The following ZBTB5 variants were observed in gnomAD, a reference collection of about 807,000 sequenced individuals.
ZBTB5 encodes zinc finger and BTB domain-containing protein 5.
In ZBTB5, 15 loss-of-function variants were observed where a neutral mutation model predicts 37.9. That is an observed-to-expected ratio of 0.40 (90% confidence interval 0.26 to 0.61). ZBTB5 has a LOEUF of 0.61. Ranked by LOEUF, ZBTB5 falls within the 20% of genes least tolerant of loss-of-function variation. The pLI, the probability that ZBTB5 is intolerant of heterozygous loss-of-function variation, is 0.47. For missense variants in ZBTB5, 708 were observed against 856.8 expected (o/e 0.83, Z 2.17); for synonymous variants, 315 against 312.4 (o/e 1.01, Z -0.09).
At chr9:37,454,471 CTG>C (rs766982040) in intron 1 of ZBTB5, among the ~76,000 whole-genome samples, 2 of 152,184 alleles carry the variant, frequency 1.3e-5, no homozygotes, top group African/African-American at 2.4e-5. Flanking sequence ...TGATGTATAA[CTG>C]TGTCTAACCC....
At position 37,442,023 on chromosome 9, in the gene ZBTB5, T is replaced by C; in HGVS notation, c.529A>G (p.Ser177Gly). The change falls in exon 2 of 2, where the codon AGT (serine) becomes GGT (glycine). Residue 177 changes from serine (S) to glycine (G), a missense_variant. Ser to Gly is a moderately conservative substitution (Grantham distance 56). This residue lies in a region of ZBTB5 where 639 missense variants were observed against 690.5 expected (regional missense o/e 0.93). Transcript: ENST00000307750. ...AAGGGCGTGCGCTGATCCAGGTTAC[T>C]GCGCATGGAAGAGCTCATGGGGGCT... ...QPAPMSSSMR[S>G]NLDQRTPFPM... 1 of 1,613,896 alleles carries C rather than the reference T, an allele frequency of 6.2e-7. No individual in the cohort carries two copies. Among genetic ancestry groups the C allele is most frequent in the Non-Finnish European group, 8.5e-7 (1 of 1,180,038 alleles).
chr9:37,464,751 C>T (rs545346309), intron 1 of ZBTB5, among the ~76,000 whole-genome samples: 1 of 152,354 alleles, frequency 6.6e-6, no homozygotes, highest in African/African-American at 2.4e-5. Flanking sequence ...GGCTCCACCC[C>T]TCCAGGGTCG....
chr9:37,454,819 C>T (rs1226636023), intron 1 of ZBTB5, among the ~76,000 whole-genome samples: 1 of 152,172 alleles, frequency 6.6e-6, no homozygotes, highest in African/African-American at 2.4e-5. Flanking sequence ...TAATTTGCTG[C>T]TTGCCTGCCA....
rs1823879768 is a variant in ZBTB5 at position 37,441,689 on chromosome 9, A to G, written c.863T>C (p.Met288Thr). 4.3e-6 allele frequency: 7 copies of G among 1,613,846 alleles called. No homozygotes were observed. Among genetic ancestry groups the G allele is most frequent in the Non-Finnish European group, 4.2e-6 (5 of 1,179,994 alleles). Residue 288 changes from methionine (M) to threonine (T), a missense_variant, in exon 2 of 2, where the codon ATG (methionine) becomes ACG (threonine). Transcript: ENST00000307750. Reference sequence around the variant, plus strand: ...CTCAACCTGAGTTGCACGAGAGGCCATGGACAACTGTGCCATGTTGCCAGC... The same window carrying G: ...CTCAACCTGAGTTGCACGAGAGGCCGTGGACAACTGTGCCATGTTGCCAGC... ...NSAGNMAQLS[M>T]ASRATQVETS...
At chr9:37,443,470 C>A (rs1280766926) in intron 1 of ZBTB5, among the ~76,000 whole-genome samples, 1 of 151,982 alleles carries the variant, frequency 6.6e-6, no homozygotes, top group African/African-American at 2.4e-5. Context: ...CTCAGCACAC[C>A]CCAAAAGCGA....
intron 1 of ZBTB5, among the ~76,000 whole-genome samples, chr9:37,456,448 G>T (rs1412449843): frequency 1.3e-5 from 2 of 152,360 alleles, no homozygotes; most frequent in East Asian, 1.9e-4. Context: ...GTTCTGCTCT[G>T]TCAGGGTTGG....
At chr9:37,451,894 A>C (rs1431218557) in intron 1 of ZBTB5, among the ~76,000 whole-genome samples, 1 of 152,132 alleles carries the variant, frequency 6.6e-6, no homozygotes, top group Non-Finnish European at 1.5e-5. Flanking sequence ...CAGTTGTCAG[A>C]AATGCAAAAG....
At chr9:37,461,732 CAAA>C (rs112634134) in intron 1 of ZBTB5, among the ~76,000 whole-genome samples, 1 of 144,778 alleles carries the variant, frequency 6.9e-6, no homozygotes. Context: ...GACCCTGTCT[CAAA>C]AAAAAAAGTA....
At chr9:37,455,195 A>AT (rs1447080147) in intron 1 of ZBTB5, among the ~76,000 whole-genome samples, 1 of 152,172 alleles carries the variant, frequency 6.6e-6, no homozygotes, top group African/African-American at 2.4e-5. Flanking sequence ...GCAGAGGAGC[A>AT]TAAGAGCAGC....
chr9:37,454,363 T>C (rs1054637259), intron 1 of ZBTB5, among the ~76,000 whole-genome samples: 5 of 152,170 alleles, frequency 3.3e-5, no homozygotes, highest in African/African-American at 1.2e-4. Flanking sequence ...GTCTGAAGCC[T>C]TCTAACCAAG....
At chr9:37,449,332 C>T (rs1198803983) in intron 1 of ZBTB5, among the ~76,000 whole-genome samples, 2 of 152,162 alleles carry the variant, frequency 1.3e-5, no homozygotes, top group Non-Finnish European at 2.9e-5. Flanking sequence ...ATATTTGCTT[C>T]TGCATTCAGG....
At chr9:37,456,753 C>G (rs1353941952) in intron 1 of ZBTB5, among the ~76,000 whole-genome samples, 4 of 152,240 alleles carry the variant, frequency 2.6e-5, no homozygotes, top group Admixed American at 2.6e-4. Context: ...TATTTTCTCT[C>G]TCTCAAAGTG....
chr9:37,455,001 A>G (rs1049438140), intron 1 of ZBTB5, among the ~76,000 whole-genome samples: 2 of 152,206 alleles, frequency 1.3e-5, no homozygotes, highest in Admixed American at 1.3e-4. Flanking sequence ...GCTGGGTAGA[A>G]GAAGGCAGTA....
At position 37,441,442 on chromosome 9, in the gene ZBTB5, G is replaced by C. The variant is rs181606827; in HGVS notation, c.1110C>G (p.Leu370=). 6.2e-7 allele frequency: 1 copy of C among 1,613,684 alleles called. No individual in the cohort carries two copies. Among genetic ancestry groups the C allele is most frequent in the African/African-American group, 1.3e-5 (1 of 74,870 alleles). Residue 370 remains leucine (L), a synonymous_variant, in exon 2 of 2, where the codon CTC becomes CTG. Coordinates refer to ENST00000307750, the MANE Select transcript of ZBTB5 (RefSeq NM_014872.3). The stretch of plus-strand genomic sequence containing the variant: ...AACTCCGATCACTGCTTTCAGGGCT[G>C]AGGTCTATCTTCTCGGCACTGACCA... ...GVVVSAEKID[L]SPESSDRSFS...
At chr9:37,457,074 G>A (rs1225919207) in intron 1 of ZBTB5, among the ~76,000 whole-genome samples, 1 of 152,198 alleles carries the variant, frequency 6.6e-6, no homozygotes, top group Non-Finnish European at 1.5e-5. Flanking sequence ...CTGCTTAAAT[G>A]AAGTTAAGCT....
Position 37,440,199 on chromosome 9 carries a change from T to C in ZBTB5, c.*319A>G, listed in dbSNP as rs940385636. On this transcript the variant is annotated 3_prime_UTR_variant, in exon 2 of 2. Transcript: ENST00000307750. ...TGCTACACAGTTTTACAAAAATTGC[T>C]AAAAAATTTTTTTTGCACTTCAATT... The C allele has an allele frequency of 4.6e-5, 15 of 328,532 alleles. No homozygotes were observed. The highest frequency in any genetic ancestry group is 3.2e-4 in the African/African-American group (15 of 47,030). 20.4% of individuals were successfully genotyped at this position (328,532 alleles called of 1,614,324 possible). A position where few individuals can be genotyped will look rare whatever the true frequency, so the allele number is the denominator to read the frequency against.
At chr9:37,455,606 T>G (rs1158449287) in intron 1 of ZBTB5, among the ~76,000 whole-genome samples, 4 of 152,216 alleles carry the variant, frequency 2.6e-5, no homozygotes, top group Non-Finnish European at 2.9e-5. Flanking sequence ...CCCCAGCTCC[T>G]GCCCCTGCCT....
intron 1 of ZBTB5, 141 bp from the exon 2 acceptor site, chr9:37,442,696 C>T (rs1588774793): frequency 1.5e-6 from 1 of 671,270 alleles, no homozygotes; most frequent in Non-Finnish European, 2.5e-6. Context: ...TGGGCACATA[C>T]ACTAAGAGCT....
chr9:37,462,769 G>A lies in ZBTB5; in HGVS notation c.-5+2446C>T, dbSNP rs558745450. ...AGTAGAGACAGGGTTTCACCATGTT[G>A]GCCAGATTGGTCTTGAACTCCTGAG... On this transcript the variant is annotated intron_variant, in intron 1 of 1. Coordinates refer to ENST00000307750, the MANE Select transcript of ZBTB5 (RefSeq NM_014872.3). 4.6e-5 allele frequency among the ~76,000 whole-genome samples: 7 copies of A among 152,084 alleles called. No homozygotes were observed. In the East Asian group the frequency reaches 1.2e-3, roughly 25 times the overall value.
Sources: allele counts gnomAD v4.1 joint callset (sites outside exome capture counted in the v4.1 genomes callset), GRCh38; gene constraint gnomAD v4.1.1; regional missense constraint gnomAD v4.1.1; transcripts MANE v1.5; gene names NCBI Gene and HGNC (gene_info 2026-07-23, HGNC 2026-07-21).